The following CTBP2 variants were observed in gnomAD, a reference collection of about 807,000 sequenced individuals.
CTBP2 encodes C-terminal-binding protein 2.
Under a neutral mutation model 80.3 loss-of-function variants are expected in CTBP2, and 30 were observed. That is an observed-to-expected ratio of 0.37 (90% CI 0.28 to 0.51). CTBP2 has a LOEUF of 0.51. Ranked by LOEUF, CTBP2 falls within the 20% of genes least tolerant of loss-of-function variation. CTBP2 has a pLI of 0.93. For missense variants in CTBP2, 1,212 were observed against 1,375.3 expected, an observed-to-expected ratio of 0.88 and a Z score of 1.88; for synonymous variants, 594 against 587.4, an observed-to-expected ratio of 1.01 and a Z score of -0.16.
chr10:125,040,206 G>C (rs1959243796), intron 2 of CTBP2, among the ~76,000 whole-genome samples: 1 of 152,280 alleles, frequency 6.6e-6, no homozygotes, highest in South Asian at 2.1e-4. Context: ...TGTAAGCCCA[G>C]AAGTTTGGGA....
Position 125,138,847 on chromosome 10 carries a change from G to A in CTBP2, c.-206+21472C>T, listed in dbSNP as rs765354902. Among the ~76,000 whole-genome samples the A allele has an allele frequency of 7.2e-5, 11 of 152,224 alleles. 1 individual carries two copies. The highest frequency in any genetic ancestry group is 6.2e-4 in the South Asian group (3 of 4,818). Reference sequence around the variant, plus strand: ...AAGAACTCCAAACATACCTGTGCCCGTCCGTCTCTTCACTCGGCTAACTGT... The same window carrying A: ...AAGAACTCCAAACATACCTGTGCCCATCCGTCTCTTCACTCGGCTAACTGT... On this transcript the variant is annotated intron_variant, in intron 1 of 10. Transcript: ENST00000337195.
chr10:124,995,393 C>T (rs182829255), intron 4 of CTBP2, among the ~76,000 whole-genome samples: 2 of 152,342 alleles, frequency 1.3e-5, no homozygotes, highest in Non-Finnish European at 2.9e-5. Context: ...CATGGGGTCC[C>T]CCTCGATAGC....
At chr10:125,127,294 G>T (rs1855441820) in intron 1 of CTBP2, among the ~76,000 whole-genome samples, 1 of 152,064 alleles carries the variant, frequency 6.6e-6, no homozygotes, top group Non-Finnish European at 1.5e-5. Context: ...ACCCAAACAA[G>T]CCCAATCCTG....
intron 1 of CTBP2, among the ~76,000 whole-genome samples, chr10:125,133,361 C>A (rs1488321472): frequency 6.6e-6 from 1 of 152,232 alleles, no homozygotes; most frequent in Non-Finnish European, 1.5e-5. Context: ...CCTGCCTACC[C>A]ATCCCCCAAG....
rs546082704 is a variant in CTBP2 at position 124,997,489 on chromosome 10, A to C, written c.2185+475T>G. ...GCCCCTCTCTCAGGAGAGCTTTCCA[A>C]GCTGATGGCCTGACTGTGCCACCCC... is the stretch of plus-strand genomic sequence containing the variant. On this transcript the variant is annotated intron_variant, in intron 4 of 8. Transcript: ENST00000309035. 2.2e-3 allele frequency: 371 copies of C among 166,496 alleles called. 1 individual carries two copies. The highest frequency in any genetic ancestry group is 8.3e-3 in the African/African-American group (348 of 41,990). 10.3% of individuals were successfully genotyped at this position (166,496 alleles called of 1,614,324 possible).
intron 1 of CTBP2, among the ~76,000 whole-genome samples, chr10:125,024,791 C>A (rs908519798): frequency 1.3e-5 from 2 of 152,150 alleles, no homozygotes; most frequent in African/African-American, 4.8e-5. Flanking sequence ...CACAGGCCCT[C>A]GGAAAAATTA....
chr10:125,044,228 G>A (rs1012194441), intron 2 of CTBP2, among the ~76,000 whole-genome samples: 7 of 152,242 alleles, frequency 4.6e-5, no homozygotes, highest in Admixed American at 4.6e-4. Flanking sequence ...TGCACCCACA[G>A]GCTCATCCAG....
At chr10:125,130,199 C>A (rs1368074432) in intron 1 of CTBP2, among the ~76,000 whole-genome samples, 1 of 152,136 alleles carries the variant, frequency 6.6e-6, no homozygotes, top group Non-Finnish European at 1.5e-5. Context: ...AGACGCACAC[C>A]ACCATGCCCA....
intron 1 of CTBP2, among the ~76,000 whole-genome samples, chr10:125,016,549 TTAGC>T (rs1956509438): frequency 6.6e-6 from 1 of 152,234 alleles, no homozygotes; most frequent in African/African-American, 2.4e-5. Flanking sequence ...ACCCTCCTCC[TTAGC>T]TATGGCAGCC....
At chr10:125,154,854 T>C (rs993210137) in intron 1 of CTBP2, among the ~76,000 whole-genome samples, 1 of 152,186 alleles carries the variant, frequency 6.6e-6, no homozygotes, top group African/African-American at 2.4e-5. Context: ...TTTTCCGAAA[T>C]GGCAGCAGCT....
chr10:125,071,571 C>A (rs1030355282), intron 2 of CTBP2, among the ~76,000 whole-genome samples: 2 of 152,154 alleles, frequency 1.3e-5, no homozygotes, highest in African/African-American at 4.8e-5. Flanking sequence ...TTACAAGATG[C>A]AAATTAAAAC....
chr10:125,082,746 C>G (rs1205522128), intron 2 of CTBP2, among the ~76,000 whole-genome samples: 1 of 152,104 alleles, frequency 6.6e-6, no homozygotes, highest in Non-Finnish European at 1.5e-5. Context: ...CGCCACCACA[C>G]CTGGCTAACT....
intron 1 of CTBP2, among the ~76,000 whole-genome samples, chr10:125,005,128 G>A (rs1955065312): frequency 6.6e-6 from 1 of 152,206 alleles, no homozygotes; most frequent in African/African-American, 2.4e-5. Context: ...GGGAGGGACG[G>A]CCCAGAGCAC....
At chr10:125,020,735 C>A (rs771298230) in intron 1 of CTBP2, among the ~76,000 whole-genome samples, 1 of 152,214 alleles carries the variant, frequency 6.6e-6, no homozygotes, top group Non-Finnish European at 1.5e-5. Flanking sequence ...GCCTGTTACG[C>A]ACAAGGCCTG....
Position 125,026,569 on chromosome 10 carries a change from G to C in CTBP2, c.1191C>G (p.Pro397=). Reference sequence around the variant, plus strand: ...GACGGCGAGCCGGGTCTCCAGCTCGGGGGGATGCTGTCTGCAGAGGAGCCG... The same window carrying C: ...GACGGCGAGCCGGGTCTCCAGCTCGCGGGGATGCTGTCTGCAGAGGAGCCG... The change falls in exon 1 of 9, where the codon CCC becomes CCG. Residue 397 remains proline, a synonymous_variant. Coordinates refer to ENST00000309035, the MANE Select transcript of CTBP2 (RefSeq NM_022802.3). 1.3e-6 allele frequency: 2 copies of C among 1,543,248 alleles called. No homozygotes were observed. Among genetic ancestry groups the C allele is most frequent in the Non-Finnish European group, 1.7e-6 (2 of 1,146,250 alleles).
At chr10:125,057,818 A>C (rs1442233047) in intron 2 of CTBP2, among the ~76,000 whole-genome samples, 1 of 152,192 alleles carries the variant, frequency 6.6e-6, no homozygotes, top group Admixed American at 6.5e-5. Context: ...ACACTCCTTC[A>C]GTAAAAAGCA....
chr10:124,999,801 G>A (rs3781445), intron 3 of CTBP2: 48,214 of 152,220 alleles, frequency 0.32, 9,034 homozygotes, highest in Non-Finnish European at 0.41. Context: ...CAGACAGACT[G>A]AGGCTGATGC....
chr10:125,048,596 CAAG>C (rs1003143199), intron 2 of CTBP2, among the ~76,000 whole-genome samples: 1 of 152,140 alleles, frequency 6.6e-6, no homozygotes, highest in African/African-American at 2.4e-5. Context: ...AGGTACAGGC[CAAG>C]AAGGAGGGAG....
rs1401810018 is a variant in CTBP2, at chr10:124,988,048, T to G, written c.*1470A>C. Reference sequence around the variant, plus strand: ...CTTTGGGGTAGATTAAAGTCAGAACTCTAAAAGTTGAGCAACTTTGTTTTT... The same window carrying G: ...CTTTGGGGTAGATTAAAGTCAGAACGCTAAAAGTTGAGCAACTTTGTTTTT... On this transcript the variant is annotated 3_prime_UTR_variant, in exon 9 of 9. Transcript: ENST00000309035. The G allele has an allele frequency of 1.3e-5, 2 of 151,298 alleles. No homozygotes were observed. The highest frequency in any genetic ancestry group is 4.2e-4 in the South Asian group (2 of 4,786). The allele number at this position is 151,298 out of a possible 1,614,324, so 9.4% of individuals were successfully genotyped here. A position where few individuals can be genotyped will look rare whatever the true frequency, so the allele number is the denominator to read the frequency against.
Sources: allele counts gnomAD v4.1 joint callset (sites outside exome capture counted in the v4.1 genomes callset), GRCh38; gene constraint gnomAD v4.1.1; transcripts MANE v1.5; gene names NCBI Gene and HGNC (gene_info 2026-07-23, HGNC 2026-07-21).